PTPRG: variants seen among roughly 807,000 people sequenced by gnomAD.
PTPRG encodes receptor-type tyrosine-protein phosphatase gamma.
In PTPRG, 102 loss-of-function variants were observed where a neutral mutation model predicts 165.3. The observed-to-expected ratio is 0.62, with a 90% CI of 0.53 to 0.73. PTPRG has a LOEUF of 0.73. Ranked by LOEUF, PTPRG falls within the 30% of genes least tolerant of loss-of-function variation. The pLI is 0.00. For synonymous variants in PTPRG, 675 were observed against 669.5 expected, an observed-to-expected ratio of 1.01 and a Z score of -0.13; for missense variants, 1,866 against 1,861.4, an observed-to-expected ratio of 1.00 and a Z score of -0.05.
intron 2 of PTPRG, among the ~76,000 whole-genome samples, chr3:61,752,449 T>C (rs1458964837): frequency 6.6e-6 from 1 of 152,060 alleles, no homozygotes; most frequent in Non-Finnish European, 1.5e-5. Flanking sequence ...ATATTAAATA[T>C]CTAGTAATGG....
At chr3:61,900,108 G>A (rs1315751696) in intron 2 of PTPRG, among the ~76,000 whole-genome samples, 2 of 151,624 alleles carry the variant, frequency 1.3e-5, no homozygotes, top group Non-Finnish European at 2.9e-5. Context: ...CAAATTACAA[G>A]TATCAAATGA....
At chr3:61,621,783 G>T (rs1701463658) in intron 1 of PTPRG, among the ~76,000 whole-genome samples, 1 of 152,174 alleles carries the variant, frequency 6.6e-6, no homozygotes, top group South Asian at 2.1e-4. Flanking sequence ...AACTATGCTG[G>T]TTAGGTGATT....
intron 2 of PTPRG, among the ~76,000 whole-genome samples, chr3:61,921,223 T>C (rs1042050424): frequency 2.0e-5 from 3 of 152,110 alleles, no homozygotes; most frequent in Non-Finnish European, 2.9e-5. Flanking sequence ...TTTAGGAAAG[T>C]CTTATTTTCT....
intron 1 of PTPRG, among the ~76,000 whole-genome samples, chr3:61,745,826 G>A (rs892035208): frequency 2.0e-5 from 3 of 152,118 alleles, no homozygotes; most frequent in African/African-American, 7.2e-5. Flanking sequence ...GCCTTTTATG[G>A]ATGGAGAAAT....
At chr3:62,085,665 G>C (rs891152310) in intron 5 of PTPRG, among the ~76,000 whole-genome samples, 10 of 151,976 alleles carry the variant, frequency 6.6e-5, no homozygotes, top group Non-Finnish European at 1.5e-4. Context: ...ACTTTTTCTT[G>C]CTCTTGCTAT....
chr3:61,759,412 T>C (rs1422683868), intron 2 of PTPRG, among the ~76,000 whole-genome samples: 2 of 152,312 alleles, frequency 1.3e-5, no homozygotes, highest in Non-Finnish European at 1.5e-5. Context: ...CTCAACACTT[T>C]GGAAGGCTGA....
At chr3:61,969,697 T>C (rs1003765129) in intron 2 of PTPRG, among the ~76,000 whole-genome samples, 2 of 152,150 alleles carry the variant, frequency 1.3e-5, no homozygotes, top group African/African-American at 4.8e-5. Context: ...TGGACCCTGG[T>C]GTGCACATCT....
chr3:62,199,380 A>T (rs1028714573), intron 10 of PTPRG, among the ~76,000 whole-genome samples: 5 of 152,166 alleles, frequency 3.3e-5, no homozygotes, highest in African/African-American at 9.7e-5. Context: ...GGGCATGTAC[A>T]CATGAGGGGA....
At chr3:62,063,174 C>G (rs1373935318) in intron 4 of PTPRG, among the ~76,000 whole-genome samples, 5 of 152,200 alleles carry the variant, frequency 3.3e-5, no homozygotes, top group African/African-American at 4.8e-5. Flanking sequence ...CTTGAACTTT[C>G]ATTTTCTAAT....
chr3:61,738,279 C>T (rs13083549), intron 1 of PTPRG, among the ~76,000 whole-genome samples: 602 of 15,230 alleles, frequency 0.04, 14 homozygotes, highest in Middle Eastern at 0.067. Context: ...TATATATATA[C>T]ATATATATAT....
intron 2 of PTPRG, among the ~76,000 whole-genome samples, chr3:61,819,603 G>C (rs974128914): frequency 2.6e-5 from 4 of 152,130 alleles, no homozygotes; most frequent in Non-Finnish European, 5.9e-5. Flanking sequence ...CTATAAGGTA[G>C]TTCTGCCAAC....
chr3:61,605,465 G>C (rs183122031), intron 1 of PTPRG, among the ~76,000 whole-genome samples: 1 of 150,600 alleles, frequency 6.6e-6, no homozygotes, highest in Admixed American at 6.6e-5. Flanking sequence ...CATGTTGACT[G>C]GGCTGGTCTC....
intron 4 of PTPRG, among the ~76,000 whole-genome samples, chr3:62,013,489 A>G (rs937950301): frequency 6.6e-6 from 1 of 152,232 alleles, no homozygotes; most frequent in African/African-American, 2.4e-5. Flanking sequence ...TGAAGAACTA[A>G]TGTACAGCAG....
chr3:61,783,402 C>G (rs1241474235), intron 2 of PTPRG, among the ~76,000 whole-genome samples: 2 of 152,108 alleles, frequency 1.3e-5, no homozygotes, highest in Non-Finnish European at 2.9e-5. Flanking sequence ...AACTAAAATA[C>G]TTAAAGAGTG....
At chr3:61,874,842 G>A (rs907484838) in intron 2 of PTPRG, among the ~76,000 whole-genome samples, 1 of 152,146 alleles carries the variant, frequency 6.6e-6, no homozygotes, top group Non-Finnish European at 1.5e-5. Context: ...GTCCATACCC[G>A]TAACTGAATT....
rs529506766 is a variant in PTPRG at position 61,888,296 on chromosome 3, C to T, written c.191-101329C>T. On this transcript the variant is annotated intron_variant, in intron 2 of 29. Transcript: ENST00000474889. Reference sequence around the variant, plus strand: ...TGCCCCTTTACTTTTAAATAATTTTCTATTTCTGTTCTAGGAAAATGGGTT... The same window carrying T: ...TGCCCCTTTACTTTTAAATAATTTTTTATTTCTGTTCTAGGAAAATGGGTT... Among the ~76,000 whole-genome samples the T allele has an allele frequency of 4.0e-5, 6 of 151,078 alleles. No homozygotes were observed. In the South Asian group the frequency reaches 8.3e-4, roughly 21 times the overall value.
rs1234004834 is a variant in PTPRG, at chr3:62,245,839, C to T, written c.2467+1941C>T. On this transcript the variant is annotated intron_variant, in intron 15 of 29. Coordinates refer to ENST00000474889, the MANE Select transcript of PTPRG (RefSeq NM_002841.4). The surrounding 1 kb of genome is among the most constrained non-coding windows in gnomAD (Gnocchi z 4.2). ...CATGTTAAAATTGTGTCCCTGACAC[C>T]GAACTACATCCACTAGGTGTGCCCT... is the stretch of plus-strand genomic sequence containing the variant. Among the ~76,000 whole-genome samples the T allele has an allele frequency of 1.3e-5, 2 of 152,010 alleles. No homozygotes were observed. Among genetic ancestry groups the T allele is most frequent in the South Asian group, 2.1e-4 (1 of 4,822 alleles).
intron 8 of PTPRG, among the ~76,000 whole-genome samples, chr3:62,177,642 C>T (rs1480489386): frequency 6.6e-6 from 1 of 152,164 alleles, no homozygotes; most frequent in Non-Finnish European, 1.5e-5. Flanking sequence ...TTGTACTTTC[C>T]TTCCCTTGGC....
intron 19 of PTPRG, 125 bp from the exon 20 acceptor site, chr3:62,268,910 A>G (rs928523607): frequency 3.7e-6 from 4 of 1,087,828 alleles, no homozygotes; most frequent in Non-Finnish European, 2.5e-6. Context: ...AAACTCACGT[A>G]TTCCTTTTTC....
Sources: allele counts gnomAD v4.1 joint callset (sites outside exome capture counted in the v4.1 genomes callset), GRCh38; gene constraint gnomAD v4.1.1; non-coding constraint Gnocchi (gnomAD v3.1); transcripts MANE v1.5; gene names NCBI Gene and HGNC (gene_info 2026-07-23, HGNC 2026-07-21).